The following ATP6V1E1 variants were observed in gnomAD, a reference collection of about 807,000 sequenced individuals.
ATP6V1E1 encodes the protein V-type proton ATPase subunit E 1.
ATP6V1E1 carries 21 observed loss-of-function variants against 35.2 expected under a neutral mutation model. That is an observed-to-expected ratio of 0.60 (90% CI 0.42 to 0.86). The LOEUF (loss-of-function observed/expected upper bound fraction) is 0.86, where lower values mean the gene tolerates loss of function less well. Among genes scored for constraint, ATP6V1E1 ranks in the 40% least tolerant of loss-of-function variants. The pLI is 0.00. For missense variants in ATP6V1E1, 183 were observed against 272.6 expected, an observed-to-expected ratio of 0.67 and a Z score of 2.32; for synonymous variants, 83 against 87.8, an observed-to-expected ratio of 0.95 and a Z score of 0.30.
At chr22:17,607,986 T>C (rs1354118292) in intron 4 of ATP6V1E1, among the ~76,000 whole-genome samples, 2 of 152,146 alleles carry the variant, frequency 1.3e-5, no homozygotes, top group African/African-American at 4.8e-5. Context: ...TACCTCTGTT[T>C]CCCGCACATG....
intron 4 of ATP6V1E1, among the ~76,000 whole-genome samples, chr22:17,608,504 G>A (rs1248747387): frequency 6.6e-6 from 1 of 152,112 alleles, no homozygotes; most frequent in Non-Finnish European, 1.5e-5. Context: ...CAGCTCACTG[G>A]AGCCTCAAAC....
intron 5 of ATP6V1E1, chr22:17,600,858 G>A (rs1266321370): frequency 3.0e-5 from 10 of 331,870 alleles, no homozygotes; most frequent in East Asian, 2.7e-4. Flanking sequence ...CTACATAATT[G>A]AGTAGTAGGC....
chr22:17,627,884 T>C (rs2057926498), intron 1 of ATP6V1E1, among the ~76,000 whole-genome samples: 1 of 149,674 alleles, frequency 6.7e-6, no homozygotes, highest in Non-Finnish European at 1.5e-5. Context: ...GTCAAAACAC[T>C]GGTTGGAAGC....
intron 1 of ATP6V1E1, among the ~76,000 whole-genome samples, chr22:17,625,335 G>A (rs189431639): frequency 3.3e-5 from 5 of 152,058 alleles, no homozygotes; most frequent in South Asian, 2.1e-4. Flanking sequence ...GCATGATCTC[G>A]GCTTGCTGCA....
At chr22:17,600,657 A>G (rs1179885889) in intron 5 of ATP6V1E1, 1 of 154,898 alleles carries the variant, frequency 6.5e-6, no homozygotes, top group Non-Finnish European at 1.4e-5. Flanking sequence ...ACATCAACCA[A>G]GCTGAGGACA....
chr22:17,598,018 G>A (rs2057741267), intron 7 of ATP6V1E1, 176 bp downstream of exon 7: 2 of 595,682 alleles, frequency 3.4e-6, no homozygotes, highest in Admixed American at 3.1e-5. Context: ...CAACAAGGGA[G>A]AGCAAGAGAG....
chr22:17,606,144 C>A (rs1468006793), intron 4 of ATP6V1E1, among the ~76,000 whole-genome samples: 1 of 152,172 alleles, frequency 6.6e-6, no homozygotes, highest in Non-Finnish European at 1.5e-5. Context: ...AGACAAATAT[C>A]TATAAAGGAT....
At chr22:17,614,009 CG>C (rs1168193907) in intron 2 of ATP6V1E1, among the ~76,000 whole-genome samples, 1 of 151,420 alleles carries the variant, frequency 6.6e-6, no homozygotes, top group Non-Finnish European at 1.5e-5. Context: ...AAAATGTGGT[CG>C]AGTAACCTCA....
chr22:17,592,921 G>A (rs2057712071), intron 8 of ATP6V1E1, among the ~76,000 whole-genome samples, 185 bp from the exon 9 acceptor site: 1 of 151,730 alleles, frequency 6.6e-6, no homozygotes, highest in African/African-American at 2.4e-5. Context: ...CCAAGTAGAT[G>A]GGACTACAGG....
At chr22:17,607,088 C>T (rs9604771) in intron 4 of ATP6V1E1, among the ~76,000 whole-genome samples, 52,847 of 151,978 alleles carry the variant, frequency 0.35, 9,525 homozygotes, top group African/African-American at 0.41. Flanking sequence ...CATAGAGCTT[C>T]ACCTGGAATC....
intron 2 of ATP6V1E1, among the ~76,000 whole-genome samples, chr22:17,616,345 C>T (rs1385687558): frequency 1.3e-5 from 2 of 149,458 alleles, no homozygotes; most frequent in Non-Finnish European, 3.0e-5. Flanking sequence ...GAGACTCCGT[C>T]TCAAAACTAA....
intron 1 of ATP6V1E1, among the ~76,000 whole-genome samples, chr22:17,620,217 G>A (rs1044034458): frequency 1.1e-4 from 17 of 148,594 alleles, no homozygotes; most frequent in Middle Eastern, 3.6e-3. Context: ...GCATGATCTC[G>A]GCTCACTGCA....
At chr22:17,607,122 T>C (rs76216201) in intron 4 of ATP6V1E1, among the ~76,000 whole-genome samples, 10 of 152,016 alleles carry the variant, frequency 6.6e-5, no homozygotes, top group Non-Finnish European at 1.3e-4. Flanking sequence ...AACACAATGA[T>C]TTTTTTCACC....
intron 3 of ATP6V1E1, 68 bp downstream of exon 3, chr22:17,613,143 A>C (rs1323514318): frequency 1.5e-6 from 2 of 1,354,282 alleles, no homozygotes; most frequent in African/African-American, 2.9e-5. Context: ...TATATGCCTG[A>C]CTCCAAAGCG....
chr22:17,617,277 T>C (rs1443349893), intron 2 of ATP6V1E1, among the ~76,000 whole-genome samples: 1 of 152,136 alleles, frequency 6.6e-6, no homozygotes, highest in Non-Finnish European at 1.5e-5. Flanking sequence ...CAATATATCT[T>C]GGTCATATTT....
Position 17,592,634 on chromosome 22 carries a change from ACAG to A in ATP6V1E1, c.*37_*39del. Reference sequence around the variant, plus strand: ...TTCAAATATCAGAAGCTTCCACATCACAGCAGGAGAGCTGACGACGAGCTCCAC... The same window carrying A: ...TTCAAATATCAGAAGCTTCCACATCACAGGAGAGCTGACGACGAGCTCCAC... On this transcript the variant is annotated 3_prime_UTR_variant, in exon 9 of 9. Transcript: ENST00000253413. 1.3e-6 allele frequency: 2 copies of A among 1,588,754 alleles called. No homozygotes were observed. Among genetic ancestry groups the A allele is most frequent in the South Asian group, 2.2e-5 (2 of 90,538 alleles).
At chr22:17,609,828 G>C (rs554902247) in intron 4 of ATP6V1E1, among the ~76,000 whole-genome samples, 1 of 152,110 alleles carries the variant, frequency 6.6e-6, no homozygotes, top group Admixed American at 6.6e-5. Flanking sequence ...TGTCATGAGA[G>C]ATGTTACTAA....
Position 17,620,537 on chromosome 22 carries a change from A to C in ATP6V1E1, c.34-1011T>G, listed in dbSNP as rs147998848. Among the ~76,000 whole-genome samples, 767 of 147,598 alleles carry C rather than the reference A, an allele frequency of 5.2e-3. 7 individuals are homozygous for C. Among genetic ancestry groups the C allele is most frequent in the African/African-American group, 0.019 (742 of 39,602 alleles). On this transcript the variant is annotated intron_variant, in intron 1 of 8. Coordinates refer to ENST00000253413, the MANE Select transcript of ATP6V1E1 (RefSeq NM_001696.4). Reference sequence around the variant, plus strand: ...GTCTCCTTTGGGGCCATACTCTTCCACTCTTTTGGGGCCATACTCTTCCAC... The same window carrying C: ...GTCTCCTTTGGGGCCATACTCTTCCCCTCTTTTGGGGCCATACTCTTCCAC...
intron 4 of ATP6V1E1, among the ~76,000 whole-genome samples, chr22:17,610,601 C>A (rs1040416689): frequency 3.3e-5 from 5 of 152,182 alleles, no homozygotes; most frequent in African/African-American, 1.2e-4. Flanking sequence ...TGTGTTATAG[C>A]CCTTGCTACT....
Sources: gnomAD v4.1 joint callset for allele counts (sites outside exome capture counted in the v4.1 genomes callset) on GRCh38, gnomAD v4.1.1 for gene constraint, MANE v1.5 for transcripts, NCBI Gene and HGNC (gene_info 2026-07-23, HGNC 2026-07-21) for gene names.